Variants in CRISP1 observed in about 807,000 individuals in gnomAD.
CRISP1 encodes the protein cysteine rich secretory protein 1, also known as cysteine-rich secretory protein 1.
Under a neutral mutation model 33.1 loss-of-function variants are expected in CRISP1, and 44 were observed. The observed-to-expected ratio is 1.33, with a 90% CI of 1.05 to 1.71. The LOEUF (loss-of-function observed/expected upper bound fraction) is 1.71. Ranked by LOEUF, CRISP1 falls within the 40% of genes most tolerant of loss-of-function variation. The pLI is 0.00. For synonymous variants in CRISP1, 103 were observed against 98.7 expected, an observed-to-expected ratio of 1.04 and a Z score of -0.26; for missense variants, 390 against 301.2, an observed-to-expected ratio of 1.29 and a Z score of -2.18.
chr6:49,845,524 G>A (rs1226388886), intron 5 of CRISP1, among the ~76,000 whole-genome samples: 1 of 152,166 alleles, frequency 6.6e-6, no homozygotes, highest in Non-Finnish European at 1.5e-5. Context: ...TTGCTGGTGG[G>A]AACGTAAAAT....
chr6:49,869,807 G>A (rs1771881521), upstream of CRISP1, among the ~76,000 whole-genome samples: 1 of 152,182 alleles, frequency 6.6e-6, no homozygotes, highest in Non-Finnish European at 1.5e-5. Context: ...ATGTGATTGT[G>A]TTAAGAGTTA....
upstream of CRISP1, among the ~76,000 whole-genome samples, chr6:49,869,713 C>T (rs1582288119): frequency 6.6e-6 from 1 of 152,004 alleles, no homozygotes; most frequent in East Asian, 1.9e-4. Flanking sequence ...AAAAATCATG[C>T]CAAAAATTTA....
In CRISP1 at chr6:49,874,866, A is replaced by C. The variant is rs562069870; in HGVS notation, c.-3+2143T>G. On this transcript the variant is annotated intron_variant, in intron 1 of 7. Coordinates refer to the CRISP1 transcript ENST00000505118. ...TGTTAAAGAAAACCACATCCCATTC[A>C]TGTTAAAAACTCTCAATAAACTAGG... Among the ~76,000 whole-genome samples, 14 of 152,210 alleles carry C rather than the reference A, an allele frequency of 9.2e-5. No homozygotes were observed. In the South Asian group the frequency reaches 1.2e-3, roughly 13 times the overall value.
intron 2 of CRISP1, among the ~76,000 whole-genome samples, 153 bp downstream of exon 2, chr6:49,857,182 A>G (rs1771518865): frequency 3.9e-5 from 6 of 152,192 alleles, no homozygotes; most frequent in Admixed American, 3.9e-4. Flanking sequence ...TGGTATTAAG[A>G]TGAGTACTTG....
At chr6:49,875,865 T>A (rs1582292339) in intron 1 of CRISP1, among the ~76,000 whole-genome samples, 1 of 152,010 alleles carries the variant, frequency 6.6e-6, no homozygotes, top group South Asian at 2.1e-4. Context: ...TGAAACTGGA[T>A]CCTTTCCTTA....
chr6:49,870,431 T>C (rs1039261742), upstream of CRISP1, among the ~76,000 whole-genome samples: 1 of 152,098 alleles, frequency 6.6e-6, no homozygotes, highest in African/African-American at 2.4e-5. Context: ...GCAGGAGTTA[T>C]TGTAGGTTGG....
At chr6:49,850,877 C>T (rs1771325202) in intron 3 of CRISP1, among the ~76,000 whole-genome samples, 1 of 152,128 alleles carries the variant, frequency 6.6e-6, no homozygotes, top group African/African-American at 2.4e-5. Flanking sequence ...GACTCTACTT[C>T]TCCAGCTCCT....
chr6:49,864,792 G>T (rs1771757379), intron 1 of CRISP1, among the ~76,000 whole-genome samples: 1 of 151,990 alleles, frequency 6.6e-6, no homozygotes, highest in Admixed American at 6.6e-5. Flanking sequence ...TTCTTTACAT[G>T]TTCTTGATAG....
At chr6:49,868,117 A>G (rs1424449898), upstream of CRISP1, among the ~76,000 whole-genome samples, 2 of 152,142 alleles carry the variant, frequency 1.3e-5, no homozygotes, top group Non-Finnish European at 1.5e-5. Context: ...GTCTGTATTT[A>G]TAGCACTGAT....
chr6:49,867,517 A>T (rs926768781), upstream of CRISP1, among the ~76,000 whole-genome samples: 1 of 152,086 alleles, frequency 6.6e-6, no homozygotes, highest in South Asian at 2.1e-4. Flanking sequence ...ATAAGGTAAG[A>T]ATTGTGTAGT....
chr6:49,856,641 T>C (rs547844155), intron 2 of CRISP1, among the ~76,000 whole-genome samples: 1 of 152,300 alleles, frequency 6.6e-6, no homozygotes, highest in Non-Finnish European at 1.5e-5. Flanking sequence ...TACGAAAATA[T>C]AAAAACCACT....
chr6:49,871,235 C>G (rs1200305539), upstream of CRISP1, among the ~76,000 whole-genome samples: 5 of 151,834 alleles, frequency 3.3e-5, no homozygotes, highest in Non-Finnish European at 7.4e-5. Flanking sequence ...ATCTCCATGC[C>G]AGGTGAGATA....
rs1165897354 is a variant in CRISP1, at chr6:49,847,799, C to T, written c.286+410G>A. ...TAAAATTGTCTTATGGGCAGCTGAG[C>T]AGGGCTGCATATAACTTATTTCTCA... On this transcript the variant is annotated intron_variant, in intron 4 of 7. Coordinates refer to ENST00000335847, the MANE Select transcript of CRISP1 (RefSeq NM_001131.3). 5.3e-5 allele frequency among the ~76,000 whole-genome samples: 8 copies of T among 152,164 alleles called. 1 individual carries two copies. The highest frequency in any genetic ancestry group is 5.2e-4 in the Admixed American group (8 of 15,266).
chr6:49,848,687 T>C (rs955344639), intron 3 of CRISP1, among the ~76,000 whole-genome samples: 3 of 152,210 alleles, frequency 2.0e-5, no homozygotes, highest in African/African-American at 4.8e-5. Context: ...CTGTAATTTA[T>C]GCCCAAAGGT....
At chr6:49,849,154 T>C (rs1279362290) in intron 3 of CRISP1, among the ~76,000 whole-genome samples, 2 of 152,164 alleles carry the variant, frequency 1.3e-5, no homozygotes, top group Non-Finnish European at 2.9e-5. Flanking sequence ...TCTGTAAGTA[T>C]GACACTCTGT....
At chr6:49,866,623 T>G (rs536223090), upstream of CRISP1, 2 of 152,208 alleles carry the variant, frequency 1.3e-5, no homozygotes, top group South Asian at 4.1e-4. Flanking sequence ...TCAGAACAAA[T>G]CTAGAGTCTG....
chr6:49,857,428 G>C (rs1469434218), intron 1 of CRISP1, 26 bp from the exon 2 acceptor site: 1 of 1,594,516 alleles, frequency 6.3e-7, no homozygotes, highest in Non-Finnish European at 8.6e-7. Context: ...CACAATTTTA[G>C]ATTATTCTCA....
intron 4 of CRISP1, among the ~76,000 whole-genome samples, 182 bp from the exon 5 acceptor site, chr6:49,846,850 A>G (rs1771191441): frequency 1.3e-5 from 2 of 152,158 alleles, no homozygotes; most frequent in East Asian, 3.9e-4. Flanking sequence ...AGCATGTGGT[A>G]CTCAAGTTTG....
chr6:49,859,408 A>G (rs1481776433), intron 1 of CRISP1, among the ~76,000 whole-genome samples: 1 of 152,040 alleles, frequency 6.6e-6, no homozygotes, highest in Non-Finnish European at 1.5e-5. Context: ...AAGAAAAAAA[A>G]AAAAAAGAAA....
Sources: allele counts gnomAD v4.1 joint callset (sites outside exome capture counted in the v4.1 genomes callset), GRCh38; gene constraint gnomAD v4.1.1; transcripts MANE v1.5; gene names NCBI Gene and HGNC (gene_info 2026-07-23, HGNC 2026-07-21).